The following NOL4 variants were observed in gnomAD, a reference collection of about 807,000 sequenced individuals.
The protein encoded by NOL4 is cancer/testis antigen 125.
A neutral mutation model predicts 75.9 loss-of-function variants in NOL4; 17 were observed. That is an observed-to-expected ratio of 0.22 (90% CI 0.15 to 0.34). The LOEUF (loss-of-function observed/expected upper bound fraction) is 0.34. NOL4 is among the 10% of genes least tolerant of loss of function. The pLI, the probability that NOL4 is intolerant of heterozygous loss-of-function variation, is 1.00. For synonymous variants in NOL4, 292 were observed against 289.9 expected (o/e 1.01, Z -0.07); for missense variants, 614 against 793.5 (o/e 0.77, Z 2.72).
chr18:33,898,070 G>A (rs1445360599), intron 9 of NOL4, among the ~76,000 whole-genome samples: 1 of 152,006 alleles, frequency 6.6e-6, no homozygotes, highest in East Asian at 1.9e-4. Flanking sequence ...ACCATACCCA[G>A]ACAATATATA....
At chr18:33,993,544 A>G (rs2073069473) in intron 6 of NOL4, among the ~76,000 whole-genome samples, 2 of 152,052 alleles carry the variant, frequency 1.3e-5, no homozygotes, top group South Asian at 4.1e-4. Context: ...TCCCACAACA[A>G]CAACAACAAA....
At chr18:34,161,395 T>C (rs886549847) in intron 1 of NOL4, among the ~76,000 whole-genome samples, 1 of 152,178 alleles carries the variant, frequency 6.6e-6, no homozygotes, top group African/African-American at 2.4e-5. Context: ...CCATAATGGC[T>C]ATACTAATTT....
intron 9 of NOL4, among the ~76,000 whole-genome samples, chr18:33,886,782 TA>T (rs2064695260): frequency 6.9e-6 from 1 of 144,584 alleles, no homozygotes; most frequent in Non-Finnish European, 1.5e-5. Context: ...TATATATATA[TA>T]TCTATAGATA....
chr18:34,178,118 CTATT>C (rs572662974), intron 1 of NOL4, among the ~76,000 whole-genome samples: 3 of 151,676 alleles, frequency 2.0e-5, no homozygotes, highest in South Asian at 2.1e-4. Context: ...CTAGTTGAGA[CTATT>C]TAGGAGCACA....
chr18:33,852,619 A>C lies in NOL4; in HGVS notation c.*223T>G. ...TTTATGGTGACACACTAAAACAAAAAGCAATAGGCTGGACATACTAAAGTA... is the reference window on the plus strand; with the variant it reads ...TTTATGGTGACACACTAAAACAAAACGCAATAGGCTGGACATACTAAAGTA... On this transcript the variant is annotated 3_prime_UTR_variant, in exon 11 of 11. Transcript: ENST00000261592. 1 of 388,504 alleles carries C rather than the reference A, an allele frequency of 2.6e-6. No individual in the cohort carries two copies. The highest frequency in any genetic ancestry group is 4.6e-6 in the Non-Finnish European group (1 of 217,440). 24.1% of individuals were successfully genotyped at this position (388,504 alleles called of 1,614,324 possible). A position where few individuals can be genotyped will look rare whatever the true frequency, so the allele number is the denominator to read the frequency against.
At chr18:34,146,570 G>A (rs868302542) in intron 1 of NOL4, among the ~76,000 whole-genome samples, 15 of 152,082 alleles carry the variant, frequency 9.9e-5, no homozygotes, top group Admixed American at 2.0e-4. Context: ...CCTCTGTTCT[G>A]TTCCAGTGGT....
chr18:34,115,345 C>T (rs1442379048), intron 2 of NOL4, among the ~76,000 whole-genome samples: 1 of 152,114 alleles, frequency 6.6e-6, no homozygotes, highest in Non-Finnish European at 1.5e-5. Context: ...GTCACCCAAG[C>T]TGGAGTGGAG....
chr18:33,974,328 T>C (rs988032419), intron 6 of NOL4, among the ~76,000 whole-genome samples: 4 of 152,170 alleles, frequency 2.6e-5, no homozygotes, highest in Non-Finnish European at 2.9e-5. Flanking sequence ...TAAGGGAATA[T>C]TGTGGCTGGT....
intron 1 of NOL4, among the ~76,000 whole-genome samples, chr18:34,142,065 C>A (rs1194464525): frequency 1.3e-5 from 2 of 152,054 alleles, no homozygotes; most frequent in African/African-American, 4.8e-5. Flanking sequence ...TTGCAGCCAA[C>A]AGACACATGA....
intron 2 of NOL4, among the ~76,000 whole-genome samples, chr18:34,123,120 CT>C (rs368997906): frequency 3.6e-3 from 500 of 138,520 alleles, no homozygotes; most frequent in Non-Finnish European, 4.0e-3. Context: ...GCTCTTACGT[CT>C]TTTTTTTTTT....
chr18:34,201,063 CAAAG>C (rs779155291), intron 1 of NOL4, among the ~76,000 whole-genome samples: 7 of 150,346 alleles, frequency 4.7e-5, no homozygotes, highest in South Asian at 2.1e-4. Context: ...GAGAGACACA[CAAAG>C]AAAAAGAGAG....
At chr18:34,013,640 G>A (rs2074507550) in intron 6 of NOL4, among the ~76,000 whole-genome samples, 1 of 151,812 alleles carries the variant, frequency 6.6e-6, no homozygotes, top group Admixed American at 6.6e-5. Context: ...ATTCCCTATT[G>A]CTAAGTGGCC....
intron 1 of NOL4, among the ~76,000 whole-genome samples, chr18:34,204,796 G>A (rs1405750831): frequency 6.6e-6 from 1 of 152,080 alleles, no homozygotes; most frequent in Non-Finnish European, 1.5e-5. Flanking sequence ...AAAAGGAAGA[G>A]GTGAGAATAA....
chr18:33,899,307 C>G (rs2065607477), intron 9 of NOL4, among the ~76,000 whole-genome samples: 2 of 152,128 alleles, frequency 1.3e-5, no homozygotes, highest in Non-Finnish European at 2.9e-5. Flanking sequence ...ATAATAGGAG[C>G]CTGAAATTTG....
chr18:34,155,189 A>G (rs1032381938), intron 1 of NOL4, among the ~76,000 whole-genome samples: 1 of 151,970 alleles, frequency 6.6e-6, no homozygotes, highest in Non-Finnish European at 1.5e-5. Context: ...ATATATATAT[A>G]TTTGAAAAAT....
intron 1 of NOL4, among the ~76,000 whole-genome samples, chr18:34,161,026 G>A (rs936334604): frequency 2.6e-5 from 4 of 151,982 alleles, no homozygotes; most frequent in Non-Finnish European, 4.4e-5. Flanking sequence ...CTACTTCTAT[G>A]AGATCAACTT....
chr18:33,941,674 G>C (rs1352768608), intron 9 of NOL4, among the ~76,000 whole-genome samples: 1 of 151,894 alleles, frequency 6.6e-6, no homozygotes, highest in Non-Finnish European at 1.5e-5. Context: ...GATGAGTACT[G>C]TTACTATTGC....
chr18:33,943,321 A>C, intron 8 of NOL4, 143 bp from the exon 9 acceptor site: 1 of 610,244 alleles, frequency 1.6e-6, no homozygotes, highest in Non-Finnish European at 2.9e-6. Flanking sequence ...CAATAGAAAG[A>C]GGAAATGGAA....
intron 10 of NOL4, among the ~76,000 whole-genome samples, chr18:33,864,340 C>T (rs999888334): frequency 1.3e-5 from 2 of 152,112 alleles, no homozygotes; most frequent in African/African-American, 2.4e-5. Flanking sequence ...AACTTTTATG[C>T]CCTGTTTCTG....
Sources: gnomAD v4.1 joint callset for allele counts (sites outside exome capture counted in the v4.1 genomes callset) on GRCh38, gnomAD v4.1.1 for gene constraint, MANE v1.5 for transcripts, NCBI Gene and HGNC (gene_info 2026-07-23, HGNC 2026-07-21) for gene names.